Variants in RRP8 observed in about 807,000 individuals in gnomAD.
RRP8 encodes ribosomal RNA-processing protein 8.
RRP8 carries 48 observed loss-of-function variants against 45.0 expected under a neutral mutation model. That is an observed-to-expected ratio of 1.07 (90% CI 0.85 to 1.36). The LOEUF is 1.36. RRP8 is among the 40% of genes most tolerant of loss of function. The pLI is 0.00. For missense variants in RRP8, 658 were observed against 573.7 expected (o/e 1.15, Z -1.50); for synonymous variants, 274 against 212.4 (o/e 1.29, Z -2.52).
chr11:6,602,258 A>G (rs1463817380), intron 1 of RRP8, 43 bp from the exon 2 acceptor site: 1 of 1,509,950 alleles, frequency 6.6e-7, no homozygotes, highest in African/African-American at 1.4e-5. Context: ...AAGAGAATGG[A>G]TGAGGCCTGG....
In RRP8 at chr11:6,599,838, A is replaced by G. The variant is rs1589914130; in HGVS notation, c.*308T>C. The G allele has an allele frequency of 5.7e-6, 1 of 176,274 alleles. No homozygotes were observed. The highest frequency in any genetic ancestry group is 1.8e-4 in the South Asian group (1 of 5,558). The allele number at this position is 176,274 out of a possible 1,614,324, so 10.9% of individuals were successfully genotyped here. A position where few individuals can be genotyped will look rare whatever the true frequency, so the allele number is the denominator to read the frequency against. On this transcript the variant is annotated 3_prime_UTR_variant, in exon 7 of 7. Coordinates refer to ENST00000254605, the MANE Select transcript of RRP8 (RefSeq NM_015324.4). ...GCCATGTGGCTTCTTAGTTGGAAAG[A>G]AGAGCAAAACCTAAAGATGCCTTGA...
rs1589911836 is a variant in RRP8 at position 6,595,295 on chromosome 11, T to C, written c.*4851A>G. ...TTGGTTTCAGTCATGTTATAGGGAA[T>C]AATGGAACGTATTTATACCAGAGTA... On this transcript the variant is annotated 3_prime_UTR_variant, in exon 7 of 7. Coordinates refer to ENST00000254605, the MANE Select transcript of RRP8 (RefSeq NM_015324.4). The C allele has an allele frequency of 5.3e-5, 8 of 152,200 alleles. 2 individuals carry two copies. The highest frequency in any genetic ancestry group is 5.2e-4 in the Admixed American group (8 of 15,294). 9.4% of individuals were successfully genotyped at this position (152,200 alleles called of 1,614,324 possible).
chr11:6,601,782 T>A (rs1181034118), intron 2 of RRP8, 70 bp downstream of exon 2: 2 of 1,510,162 alleles, frequency 1.3e-6, no homozygotes, highest in Non-Finnish European at 1.8e-6. Context: ...TAATCACTCT[T>A]GTATGTAGAA....
Position 6,595,317 on chromosome 11 carries a change from A to G in RRP8, c.*4829T>C, listed in dbSNP as rs1445295990. 1 of 152,172 alleles carries G rather than the reference A, an allele frequency of 6.6e-6. No individual in the cohort carries two copies. The highest frequency in any genetic ancestry group is 1.5e-5 in the Non-Finnish European group (1 of 68,038). 9.4% of individuals were successfully genotyped at this position (152,172 alleles called of 1,614,324 possible). ...GAATAATGGAACGTATTTATACCAG[A>G]GTATTAACAATGTAGAAGGACCCTT... On this transcript the variant is annotated 3_prime_UTR_variant, in exon 7 of 7. Transcript: ENST00000254605.
Position 6,600,039 on chromosome 11 carries a change from G to T in RRP8, c.*107C>A. The stretch of plus-strand genomic sequence containing the variant: ...AGGTTTTATCACACTTTGTCCTCAG[G>T]GTCCACCAGGAACCAGGTCTTGGCT... On this transcript the variant is annotated 3_prime_UTR_variant, in exon 7 of 7. Coordinates refer to ENST00000254605, the MANE Select transcript of RRP8 (RefSeq NM_015324.4). 1.5e-6 allele frequency: 1 copy of T among 679,654 alleles called. No homozygotes were observed. Among genetic ancestry groups the T allele is most frequent in the South Asian group, 2.4e-5 (1 of 41,464 alleles). The allele number at this position is 679,654 out of a possible 1,614,324, so 42.1% of individuals were successfully genotyped here. A position where few individuals can be genotyped will look rare whatever the true frequency, so the allele number is the denominator to read the frequency against.
In RRP8 at chr11:6,600,180, A is replaced by G; in HGVS notation, c.1337T>C (p.Leu446Pro). 2 of 1,602,330 alleles carry G rather than the reference A, an allele frequency of 1.2e-6. No homozygotes were observed. Among genetic ancestry groups the G allele is most frequent in the Non-Finnish European group, 1.7e-6 (2 of 1,176,232 alleles). ...LVGPKAQLSG[L>P]QLQPCLYKRR is the part of the protein sequence containing the mutation. Reference sequence around the variant, plus strand: ...CTTGTAGAGACATGGCTGAAGCTGCAGGCCTGAAAGCTGAGCCTTGGGCCC... The same window carrying G: ...CTTGTAGAGACATGGCTGAAGCTGCGGGCCTGAAAGCTGAGCCTTGGGCCC... Residue 446 changes from leucine to proline, a missense_variant, in exon 7 of 7, where the codon CTG becomes CCG. By Grantham distance (98) the Leu-to-Pro change is moderately conservative. Coordinates refer to ENST00000254605, the MANE Select transcript of RRP8 (RefSeq NM_015324.4).
In RRP8 at chr11:6,596,103, T is replaced by G. The variant is rs1385495865; in HGVS notation, c.*4043A>C. 6.6e-6 allele frequency: 1 copy of G among 152,224 alleles called. No individual in the cohort carries two copies. The highest frequency in any genetic ancestry group is 1.5e-5 in the Non-Finnish European group (1 of 68,046). The allele number at this position is 152,224 out of a possible 1,614,324, so 9.4% of individuals were successfully genotyped here. ...CTCATTTTCCACTGTTGAGAACTAC[T>G]CACATAGGCCTAGATGCATGGAGCT... On this transcript the variant is annotated 3_prime_UTR_variant, in exon 7 of 7. Transcript: ENST00000254605.
rs1032761632 is a variant in RRP8, at chr11:6,597,070, A to T, written c.*3076T>A. On this transcript the variant is annotated 3_prime_UTR_variant, in exon 7 of 7. Transcript: ENST00000254605. Reference sequence around the variant, plus strand: ...ACAAACATAATCTCAATTAATTAGAATGTCTAATCCTGTGTAACAATAATC... The same window carrying T: ...ACAAACATAATCTCAATTAATTAGATTGTCTAATCCTGTGTAACAATAATC... The T allele has an allele frequency of 1.3e-5, 2 of 152,182 alleles. No homozygotes were observed. The highest frequency in any genetic ancestry group is 4.8e-5 in the African/African-American group (2 of 41,430). 9.4% of individuals were successfully genotyped at this position (152,182 alleles called of 1,614,324 possible). A position where few individuals can be genotyped will look rare whatever the true frequency, so the allele number is the denominator to read the frequency against.
chr11:6,595,481 C>T lies in RRP8; in HGVS notation c.*4665G>A, dbSNP rs1589911933. On this transcript the variant is annotated 3_prime_UTR_variant, in exon 7 of 7. Transcript: ENST00000254605. ...CAAGAAAACTACAGAGACCTCATCCCTAACATCCTTCAGCTCCAGAACCAA... is the reference window on the plus strand; with the variant it reads ...CAAGAAAACTACAGAGACCTCATCCTTAACATCCTTCAGCTCCAGAACCAA... 1 of 152,188 alleles carries T rather than the reference C, an allele frequency of 6.6e-6. No homozygotes were observed. The highest frequency in any genetic ancestry group is 1.9e-4 in the East Asian group (1 of 5,174). The allele number at this position is 152,188 out of a possible 1,614,324, so 9.4% of individuals were successfully genotyped here.
rs1356765023 is a variant in RRP8 at position 6,603,404 on chromosome 11, C to T, written c.99G>A (p.Lys33=). The part of the protein sequence containing the change: ...RPPPAASSQN[K]GSKRRQLLAT... Reference sequence around the variant, plus strand: ...CCCATTGCTCCCGCGAGTCACTCACCTTGTTTTGCGAGGAGGCCGCAGGCG... The same window carrying T: ...CCCATTGCTCCCGCGAGTCACTCACTTTGTTTTGCGAGGAGGCCGCAGGCG... The change falls in exon 1 of 7, where the codon AAG becomes AAA. Residue 33 remains lysine, a splice_region_variant and synonymous_variant. Transcript: ENST00000254605. 1.9e-6 allele frequency: 3 copies of T among 1,599,506 alleles called. No individual in the cohort carries two copies. The highest frequency in any genetic ancestry group is 2.6e-6 in the Non-Finnish European group (3 of 1,173,774).
rs967075775 is a variant in RRP8, at chr11:6,596,759, A to T, written c.*3387T>A. 6.6e-6 allele frequency: 1 copy of T among 152,266 alleles called. No homozygotes were observed. Among genetic ancestry groups the T allele is most frequent in the African/African-American group, 2.4e-5 (1 of 41,464 alleles). The allele number at this position is 152,266 out of a possible 1,614,324, so 9.4% of individuals were successfully genotyped here. A position where few individuals can be genotyped will look rare whatever the true frequency, so the allele number is the denominator to read the frequency against. On this transcript the variant is annotated 3_prime_UTR_variant, in exon 7 of 7. Coordinates refer to ENST00000254605, the MANE Select transcript of RRP8 (RefSeq NM_015324.4). ...TTTGGAGCTGAGCGGTGTCTCTGCC[A>T]AGATCATGTTGTTTCTTTTAGAACT...
At chr11:6,603,267 G>T in intron 1 of RRP8, 137 bp downstream of exon 1, 1 of 619,750 alleles carries the variant, frequency 1.6e-6, no homozygotes, top group Non-Finnish European at 2.8e-6. Flanking sequence ...TCTTTTGGAA[G>T]TTCTCGGATC....
At position 6,600,720 on chromosome 11, in the gene RRP8, C is replaced by T. The variant is rs764618052; in HGVS notation, c.1103G>A (p.Gly368Glu). 1 of 1,613,940 alleles carries T rather than the reference C, an allele frequency of 6.2e-7. No individual in the cohort carries two copies. The highest frequency in any genetic ancestry group is 1.3e-5 in the African/African-American group (1 of 74,886). ...DVAVFCLSLMGTNIRDFLEEA... is the reference protein window; with the variant it reads ...DVAVFCLSLMETNIRDFLEEA... Reference sequence around the variant, plus strand: ...CTCTAGGAAGTCCCTGATGTTGGTTCCCATCAGTGAAAGGCAAAACACAGC... The same window carrying T: ...CTCTAGGAAGTCCCTGATGTTGGTTTCCATCAGTGAAAGGCAAAACACAGC... The change falls in exon 5 of 7, where the codon GGA (glycine) becomes GAA (glutamate). Residue 368 changes from glycine to glutamate, a missense_variant. By Grantham distance (98) the Gly-to-Glu change is moderately conservative (BLOSUM62 -2). Transcript: ENST00000254605.
chr11:6,602,173 C>G lies in RRP8; in HGVS notation c.142G>C (p.Glu48Gln), dbSNP rs770921004. The G allele has an allele frequency of 1.3e-6, 2 of 1,597,220 alleles. No homozygotes were observed. Among genetic ancestry groups the G allele is most frequent in the Non-Finnish European group, 8.5e-7 (1 of 1,171,372 alleles). The stretch of plus-strand genomic sequence containing the variant: ...GGATGCTGGGAAAGAGATGCTGCCT[C>G]TAGGGCCCGTAATGTGGCCAAGAGC... The part of the protein sequence containing the change: ...RQLLATLRAL[E>Q]AASLSQHPPS... Residue 48 changes from glutamate (E) to glutamine (Q), a missense_variant, in exon 2 of 7, where the codon GAG (glutamate) becomes CAG (glutamine). Coordinates refer to ENST00000254605, the MANE Select transcript of RRP8 (RefSeq NM_015324.4).
chr11:6,602,217 T>G lies in RRP8; in HGVS notation c.100-2A>C. On this transcript the variant is annotated splice_acceptor_variant, in intron 1 of 6. Coordinates refer to ENST00000254605, the MANE Select transcript of RRP8 (RefSeq NM_015324.4). LOFTEE classifies it high-confidence loss of function. ...CAAGAGCTGGCGGCGCTTGGAGCCC[T>G]GGAGGAAAACAGGGGATGACAGTGG... 4 of 1,543,990 alleles carry G rather than the reference T, an allele frequency of 2.6e-6. No individual in the cohort carries two copies. Among genetic ancestry groups the G allele is most frequent in the Non-Finnish European group, 3.5e-6 (4 of 1,150,548 alleles).
intron 1 of RRP8, among the ~76,000 whole-genome samples, chr11:6,603,192 G>A (rs1854490189): frequency 6.6e-6 from 1 of 152,154 alleles, no homozygotes; most frequent in Admixed American, 6.5e-5. Context: ...ACTTTTTCCT[G>A]TCTGAAGAAC....
In RRP8 at chr11:6,597,524, A is replaced by C. The variant is rs890804788; in HGVS notation, c.*2622T>G. 1.4e-5 allele frequency: 2 copies of C among 146,816 alleles called. No individual in the cohort carries two copies. The highest frequency in any genetic ancestry group is 5.1e-5 in the African/African-American group (2 of 39,122). 9.1% of individuals were successfully genotyped at this position (146,816 alleles called of 1,614,324 possible). On this transcript the variant is annotated 3_prime_UTR_variant, in exon 7 of 7. Coordinates refer to ENST00000254605, the MANE Select transcript of RRP8 (RefSeq NM_015324.4). ...TACTCAGCAATCCTTACCCCACTGC[A>C]TTCTGAGTTCTCTCTCATCTCAATA... is the stretch of plus-strand genomic sequence containing the variant.
In RRP8 at chr11:6,603,418, A is replaced by T; in HGVS notation, c.85T>A (p.Ser29Thr). The change falls in exon 1 of 7, where the codon TCC becomes ACC. Residue 29 changes from serine to threonine, a missense_variant. By Grantham distance (58) the Ser-to-Thr change is moderately conservative (BLOSUM62 1). Transcript: ENST00000254605. ...PVISRPPPAA[S>T]SQNKGSKRRQ... ...GAGTCACTCACCTTGTTTTGCGAGG[A>T]GGCCGCAGGCGGAGGTCGTGAGATT... 2.5e-6 allele frequency: 4 copies of T among 1,602,490 alleles called. No homozygotes were observed. Among genetic ancestry groups the T allele is most frequent in the South Asian group, 1.1e-5 (1 of 89,110 alleles).
chr11:6,602,454 C>T (rs2134503535), intron 1 of RRP8, among the ~76,000 whole-genome samples: 1 of 152,054 alleles, frequency 6.6e-6, no homozygotes, highest in East Asian at 1.9e-4. Flanking sequence ...GAGGTTTCCC[C>T]AAAGGAAAAT....
Sources: allele counts gnomAD v4.1 joint callset (sites outside exome capture counted in the v4.1 genomes callset), GRCh38; gene constraint gnomAD v4.1.1; transcripts MANE v1.5; gene names NCBI Gene and HGNC (gene_info 2026-07-23, HGNC 2026-07-21).